HMMR: variants seen among roughly 807,000 people sequenced by gnomAD.
HMMR encodes the protein intracellular hyaluronic acid-binding protein.
A neutral mutation model predicts 101.0 loss-of-function variants in HMMR; 108 were observed. The observed-to-expected ratio is 1.07, with a 90% CI of 0.92 to 1.25. The LOEUF is 1.25. HMMR is among the 50% of genes most tolerant of loss of function. HMMR has a pLI of 0.00. For missense variants in HMMR, 813 were observed against 788.7 expected, an observed-to-expected ratio of 1.03 and a Z score of -0.37; for synonymous variants, 296 against 276.4, an observed-to-expected ratio of 1.07 and a Z score of -0.70.
chr5:163,470,266 A>C (rs1042235719), intron 5 of HMMR, among the ~76,000 whole-genome samples: 1 of 152,192 alleles, frequency 6.6e-6, no homozygotes, highest in Non-Finnish European at 1.5e-5. Flanking sequence ...GACTTGCTTT[A>C]GAGTCTTGCA....
chr5:163,475,431 T>A (rs771399418), intron 10 of HMMR, 27 bp from the exon 11 acceptor site: 1 of 1,373,796 alleles, frequency 7.3e-7, no homozygotes, highest in Admixed American at 2.0e-5. Context: ...TTCCAAATTA[T>A]TTTGGTGGTT....
At position 163,467,864 on chromosome 5, in the gene HMMR, C is replaced by G. The variant is rs1758751823; in HGVS notation, c.273+116C>G. The G allele has an allele frequency of 4.7e-6, 3 of 631,682 alleles. No homozygotes were observed. In the South Asian group the frequency reaches 5.2e-5, roughly 11 times the overall value. The allele number at this position is 631,682 out of a possible 1,614,324, so 39.1% of individuals were successfully genotyped here. The stretch of plus-strand genomic sequence containing the variant: ...GAGTCCTGCAGTGAGGCAAACATGC[C>G]ATCCAGAACAGTGCCTACAGGAAAA... On this transcript the variant is annotated intron_variant, in intron 4 of 17. Coordinates refer to ENST00000393915, the MANE Select transcript of HMMR (RefSeq NM_001142556.2).
rs559817209 is a variant in HMMR at position 163,469,235 on chromosome 5, G to A, written c.274-406G>A. Among the ~76,000 whole-genome samples, 10 of 151,960 alleles carry A rather than the reference G, an allele frequency of 6.6e-5. No individual in the cohort carries two copies. The East Asian group carries it at 7.8e-4, about 12-fold the overall frequency. On this transcript the variant is annotated intron_variant, in intron 4 of 17. Coordinates refer to ENST00000393915, the MANE Select transcript of HMMR (RefSeq NM_001142556.2). ...AAAAATTAGCCGGGTGTGGTGGCCC[G>A]TGCTGGTAGTCCCAGCTATTCGGGA...
chr5:163,475,497 C>A lies in HMMR; in HGVS notation c.1093C>A (p.Gln365Lys). The change falls in exon 11 of 18, where the codon CAA becomes AAA. Residue 365 changes from glutamine (Q) to lysine (K), a missense_variant. By Grantham distance (53) the Gln-to-Lys change is moderately conservative. Coordinates refer to ENST00000393915, the MANE Select transcript of HMMR (RefSeq NM_001142556.2). Reference protein sequence around the residue: ...SSLHQKLCSFQEEMVKEKNLF... With the variant: ...SSLHQKLCSFKEEMVKEKNLF... Reference sequence around the variant, plus strand: ...TCTTCATCAGAAGCTCTGTTCTTTTCAAGAGGAAATGGTTAAAGAGAAGAA... The same window carrying A: ...TCTTCATCAGAAGCTCTGTTCTTTTAAAGAGGAAATGGTTAAAGAGAAGAA... 1 of 1,606,598 alleles carries A rather than the reference C, an allele frequency of 6.2e-7. No individual in the cohort carries two copies. The highest frequency in any genetic ancestry group is 1.1e-5 in the South Asian group (1 of 90,218).
intron 9 of HMMR, 34 bp downstream of exon 9, chr5:163,473,591 TAA>T (rs777630812): frequency 1.1e-5 from 15 of 1,362,074 alleles, no homozygotes; most frequent in Non-Finnish European, 1.4e-5. Context: ...TTTGTTTAGA[TAA>T]GTGTTACATA....
intron 10 of HMMR, among the ~76,000 whole-genome samples, chr5:163,474,840 G>A (rs1192532805): frequency 3.3e-5 from 5 of 151,986 alleles, no homozygotes; most frequent in African/African-American, 1.2e-4. Flanking sequence ...AACAGCTAAA[G>A]GAATTGAGTA....
chr5:163,483,159 G>C lies in HMMR; in HGVS notation c.1672G>C (p.Asp558His), dbSNP rs2230362. ...QEEDFRKQLE[D>H]EEGRKAEKEN... Reference sequence around the variant, plus strand: ...GGAAGACTTTAGAAAACAGCTGGAAGATGAAGAAGGAAGGTAATCTATGAT... The same window carrying C: ...GGAAGACTTTAGAAAACAGCTGGAACATGAAGAAGGAAGGTAATCTATGAT... Residue 558 changes from aspartate (D) to histidine (H), a missense_variant, in exon 14 of 18, where the codon GAT becomes CAT. By Grantham distance (81) the Asp-to-His change is moderately conservative. Transcript: ENST00000393915. 2,673 of 1,610,694 alleles carry C rather than the reference G, an allele frequency of 1.7e-3. 39 individuals are homozygous for C. In the African/African-American group the frequency reaches 0.03, roughly 18 times the overall value.
chr5:163,476,167 A>AC (rs1759064381), intron 11 of HMMR, among the ~76,000 whole-genome samples: 1 of 151,946 alleles, frequency 6.6e-6, no homozygotes, highest in African/African-American at 2.4e-5. Flanking sequence ...TAAAAAAAAA[A>AC]CTAGCTGGGC....
At position 163,476,254 on chromosome 5, in the gene HMMR, C is replaced by T. The variant is rs555014916; in HGVS notation, c.1268+582C>T. Reference sequence around the variant, plus strand: ...ATCACTTAAGCCCACGAGATTAAGGCTGCAGTTAGCCGTGATCACGTCACT... The same window carrying T: ...ATCACTTAAGCCCACGAGATTAAGGTTGCAGTTAGCCGTGATCACGTCACT... On this transcript the variant is annotated intron_variant, in intron 11 of 17. Transcript: ENST00000393915. Among the ~76,000 whole-genome samples, 8 of 152,194 alleles carry T rather than the reference C, an allele frequency of 5.3e-5. No individual in the cohort carries two copies. The East Asian group carries it at 1.2e-3, about 22-fold the overall frequency.
intron 11 of HMMR, among the ~76,000 whole-genome samples, chr5:163,478,267 T>C (rs1759133073): frequency 6.6e-6 from 1 of 152,226 alleles, no homozygotes; most frequent in Non-Finnish European, 1.5e-5. Flanking sequence ...CAAAGTCTTG[T>C]AACTCTGTAG....
intron 16 of HMMR, among the ~76,000 whole-genome samples, chr5:163,490,124 G>A (rs919696249): frequency 1.3e-5 from 2 of 152,184 alleles, no homozygotes; most frequent in African/African-American, 2.4e-5. Flanking sequence ...GTCCATCTCA[G>A]CAATTACTTT....
Position 163,475,515 on chromosome 5 carries a change from G to T in HMMR, c.1111G>T (p.Glu371Ter). 2 of 1,609,734 alleles carry T rather than the reference G, an allele frequency of 1.2e-6. No individual in the cohort carries two copies. Among genetic ancestry groups the T allele is most frequent in the East Asian group, 2.2e-5 (1 of 44,700 alleles). Residue 371 changes from glutamate to a stop codon, truncating the protein, a stop_gained, in exon 11 of 18, where the codon GAG becomes TAG. Transcript: ENST00000393915. LOFTEE classifies it high-confidence loss of function. Reference sequence around the variant, plus strand: ...TTCTTTTCAAGAGGAAATGGTTAAAGAGAAGAATCTGTTTGAGGAAGAATT... The same window carrying T: ...TTCTTTTCAAGAGGAAATGGTTAAATAGAAGAATCTGTTTGAGGAAGAATT... The part of the protein sequence containing the change: ...LCSFQEEMVK[E>*]KNLFEEELKQ...
rs1483518430 is a variant in HMMR, at chr5:163,469,796, A to C, written c.429A>C (p.Glu143Asp). The change falls in exon 5 of 18, where the codon GAA becomes GAC. Residue 143 changes from glutamate to aspartate, a missense_variant. By Grantham distance (45) the Glu-to-Asp change is conservative (BLOSUM62 2). Transcript: ENST00000393915. ...NNATLEKQLIELTRTNELLKS... is the reference protein window; with the variant it reads ...NNATLEKQLIDLTRTNELLKS... ...CTACACTGGAAAAACAACTTATTGA[A>C]TTGACCAGGACTAATGAACTACTAA... The C allele has an allele frequency of 4.3e-6, 7 of 1,610,332 alleles. No individual in the cohort carries two copies. Among genetic ancestry groups the C allele is most frequent in the Non-Finnish European group, 5.9e-6 (7 of 1,176,816 alleles).
chr5:163,490,722 C>T (rs1175167452), intron 17 of HMMR, among the ~76,000 whole-genome samples, 170 bp downstream of exon 17: 3 of 152,192 alleles, frequency 2.0e-5, no homozygotes, highest in Non-Finnish European at 2.9e-5. Flanking sequence ...TCCTTCTACG[C>T]TTTCTTTTCT....
chr5:163,478,334 G>C (rs1283943254), intron 11 of HMMR, among the ~76,000 whole-genome samples: 1 of 152,146 alleles, frequency 6.6e-6, no homozygotes, highest in East Asian at 1.9e-4. Flanking sequence ...TAAATGGAGA[G>C]AATGAAACTT....
At chr5:163,473,288 T>A (rs1758955383) in intron 8 of HMMR, 35 bp downstream of exon 8, 1 of 1,481,804 alleles carries the variant, frequency 6.7e-7, no homozygotes, top group Admixed American at 1.8e-5. Flanking sequence ...TGAACCTTAT[T>A]TTTTTAATAC....
chr5:163,468,114 G>C (rs986238158), intron 4 of HMMR, among the ~76,000 whole-genome samples: 1 of 152,176 alleles, frequency 6.6e-6, no homozygotes, highest in Admixed American at 6.5e-5. Flanking sequence ...GGATTTCTTA[G>C]TGAGCATGCA....
intron 3 of HMMR, among the ~76,000 whole-genome samples, chr5:163,465,821 CGT>C (rs1182255044): frequency 6.6e-6 from 1 of 151,686 alleles, no homozygotes; most frequent in Non-Finnish European, 1.5e-5. Context: ...ATGTGCTGGA[CGT>C]GGTGGCACGT....
At chr5:163,464,928 A>ATAACTCATTTCATT in intron 3 of HMMR, 126 bp downstream of exon 3, 1 of 638,720 alleles carries the variant, frequency 1.6e-6, no homozygotes, top group Non-Finnish European at 2.8e-6. Context: ...TAAATTAATG[A>ATAACTCATTTCATT]AATGAGTTAT....
Sources: gnomAD v4.1 joint callset for allele counts (sites outside exome capture counted in the v4.1 genomes callset) on GRCh38, gnomAD v4.1.1 for gene constraint, MANE v1.5 for transcripts, NCBI Gene and HGNC (gene_info 2026-07-23, HGNC 2026-07-21) for gene names.